The following HMCN1 variants were observed in gnomAD, a reference collection of about 807,000 sequenced individuals.
The protein encoded by HMCN1 is hemicentin-1.
Under a neutral mutation model 625.9 loss-of-function variants are expected in HMCN1, and 321 were observed. The ratio of observed to expected loss-of-function variants is 0.51; its 90% CI spans 0.47 to 0.56. The LOEUF is 0.56. Ranked by LOEUF, HMCN1 falls within the 20% of genes least tolerant of loss-of-function variation. HMCN1 has a pLI of 0.00. For synonymous variants in HMCN1, 2,425 were observed against 2,417.6 expected, an observed-to-expected ratio of 1.00 and a Z score of -0.09; for missense variants, 6,588 against 6,887.3, an observed-to-expected ratio of 0.96 and a Z score of 1.54.
rs115233556 is a variant in HMCN1, at chr1:185,756,320, G to C, written c.268+21273G>C. ...TCCTGTTCATACCTTTTCTGCCATT[G>C]TGTCTTTAAGTTCACCTTTCTCATT... On this transcript the variant is annotated intron_variant, in intron 1 of 106. Transcript: ENST00000271588. Among the ~76,000 whole-genome samples the C allele has an allele frequency of 9.9e-3, 1,504 of 152,022 alleles. 12 individuals carry two copies. Among genetic ancestry groups the C allele is most frequent in the Non-Finnish European group, 0.017 (1,155 of 67,958 alleles).
chr1:186,074,742 C>T lies in HMCN1; in HGVS notation c.8141C>T (p.Pro2714Leu), dbSNP rs1312087633. 6.2e-7 allele frequency: 1 copy of T among 1,612,248 alleles called. No homozygotes were observed. The highest frequency in any genetic ancestry group is 2.2e-5 in the East Asian group (1 of 44,702). The change falls in exon 53 of 107, where the codon CCC becomes CTC. Residue 2714 changes from proline to leucine, a missense_variant and splice_region_variant. Physicochemically the swap from Pro to Leu is moderately conservative, Grantham distance 98. Around this residue, in one of 3 missense-constraint regions of HMCN1, gnomAD observed 4,628 missense variants for 4,853.1 expected, o/e 0.95. Coordinates refer to ENST00000271588, the MANE Select transcript of HMCN1 (RefSeq NM_031935.3). ...AACATTGTTATAATTGAATCACAGC[C>T]CCTTAAATCCGATGATCATGTTAAT... is the stretch of plus-strand genomic sequence containing the variant. ...ASLSWYKDGQPLKSDDHVNIA... is the reference protein window; with the variant it reads ...ASLSWYKDGQLLKSDDHVNIA...
chr1:185,776,150 A>G (rs1372200178), intron 1 of HMCN1, among the ~76,000 whole-genome samples: 2 of 151,904 alleles, frequency 1.3e-5, no homozygotes, highest in Non-Finnish European at 2.9e-5. Flanking sequence ...TTTCCTATTT[A>G]TTTTTATTAG....
Position 186,145,393 on chromosome 1 carries a change from T to C in HMCN1, c.14267-10T>C. 6.5e-7 allele frequency: 1 copy of C among 1,545,952 alleles called. No individual in the cohort carries two copies. The highest frequency in any genetic ancestry group is 8.7e-7 in the Non-Finnish European group (1 of 1,148,754). On this transcript the variant is annotated splice_polypyrimidine_tract_variant and intron_variant, in intron 91 of 106. Transcript: ENST00000271588. ...GCTCTGTTTTCATCTCAGATTATTCTGTCTTGTAGCCCATGGTAACTGGAG... is the reference window on the plus strand; with the variant it reads ...GCTCTGTTTTCATCTCAGATTATTCCGTCTTGTAGCCCATGGTAACTGGAG...
intron 1 of HMCN1, among the ~76,000 whole-genome samples, chr1:185,787,649 CTTGAG>C (rs1418363231): frequency 6.8e-6 from 1 of 147,520 alleles, no homozygotes; most frequent in Admixed American, 6.6e-5. Flanking sequence ...TGACTGAAAT[CTTGAG>C]TTAAGTTAAC....
At chr1:185,913,592 C>G (rs1666543004) in intron 6 of HMCN1, among the ~76,000 whole-genome samples, 1 of 152,106 alleles carries the variant, frequency 6.6e-6, no homozygotes, top group Non-Finnish European at 1.5e-5. Flanking sequence ...CCATTATTGA[C>G]TGTGAAATAC....
chr1:186,115,392 G>A lies in HMCN1; in HGVS notation c.11539G>A (p.Asp3847Asn). ...AAAAAATGGGCATCTTCTTAATGTGGATCAAAATCAGAACTCATACAGGTA... is the reference window on the plus strand; with the variant it reads ...AAAAAATGGGCATCTTCTTAATGTGAATCAAAATCAGAACTCATACAGGTA... Reference protein sequence around the residue: ...WRKNGHLLNVDQNQNSYRLLS... With the variant: ...WRKNGHLLNVNQNQNSYRLLS... Residue 3847 changes from aspartate to asparagine, a missense_variant, in exon 75 of 107, where the codon GAT (aspartate) becomes AAT (asparagine). Physicochemically the swap from Asp to Asn is conservative, Grantham distance 23. Transcript: ENST00000271588. 6.2e-7 allele frequency: 1 copy of A among 1,613,578 alleles called. No individual in the cohort carries two copies. Among genetic ancestry groups the A allele is most frequent in the Non-Finnish European group, 8.5e-7 (1 of 1,179,884 alleles).
intron 50 of HMCN1, among the ~76,000 whole-genome samples, chr1:186,068,606 G>A (rs979011403): frequency 6.6e-5 from 10 of 152,026 alleles, no homozygotes; most frequent in African/African-American, 9.7e-5. Flanking sequence ...GGTGGCTCAC[G>A]CCTGTAATCC....
At chr1:185,861,853 T>C (rs1437874674) in intron 2 of HMCN1, among the ~76,000 whole-genome samples, 1 of 152,160 alleles carries the variant, frequency 6.6e-6, no homozygotes, top group East Asian at 1.9e-4. Flanking sequence ...AATAGTTTAA[T>C]CTGAAAAATA....
chr1:185,979,928 C>G (rs144778608), intron 16 of HMCN1, among the ~76,000 whole-genome samples: 1 of 152,130 alleles, frequency 6.6e-6, no homozygotes, highest in East Asian at 1.9e-4. Flanking sequence ...GCTCACAAGA[C>G]AAAACCATAC....
intron 1 of HMCN1, among the ~76,000 whole-genome samples, chr1:185,775,963 A>G (rs1571333319): frequency 1.3e-5 from 2 of 152,206 alleles, no homozygotes; most frequent in East Asian, 3.8e-4. Context: ...CAGGCTGTAT[A>G]GAAAAGTGCT....
chr1:186,121,568 C>T (rs1235550038), intron 80 of HMCN1, among the ~76,000 whole-genome samples: 1 of 152,074 alleles, frequency 6.6e-6, no homozygotes, highest in Non-Finnish European at 1.5e-5. Context: ...ATGATAGTGC[C>T]ATGTTGGAAC....
chr1:186,163,102 T>G (rs1005270634), intron 97 of HMCN1, among the ~76,000 whole-genome samples: 1 of 152,214 alleles, frequency 6.6e-6, no homozygotes, highest in Non-Finnish European at 1.5e-5. Flanking sequence ...TAAGCAAGCC[T>G]GGGAAATGGC....
chr1:186,057,422 C>T lies in HMCN1; in HGVS notation c.7312+21C>T, dbSNP rs757755841. The T allele has an allele frequency of 5.9e-6, 9 of 1,533,706 alleles. No homozygotes were observed. In the East Asian group the frequency reaches 1.4e-4, roughly 23 times the overall value. On this transcript the variant is annotated intron_variant, in intron 46 of 106. Transcript: ENST00000271588. Reference sequence around the variant, plus strand: ...TTCAGGTATTAGAAATTCTGGTAGCCTTATAATCTTGTTAGCTTCATACGG... The same window carrying T: ...TTCAGGTATTAGAAATTCTGGTAGCTTTATAATCTTGTTAGCTTCATACGG...
At chr1:185,840,122 A>G (rs779777988) in intron 1 of HMCN1, among the ~76,000 whole-genome samples, 2 of 152,208 alleles carry the variant, frequency 1.3e-5, no homozygotes, top group Non-Finnish European at 2.9e-5. Context: ...TGTTGATTAG[A>G]TGCAGATCAT....
intron 1 of HMCN1, among the ~76,000 whole-genome samples, chr1:185,814,689 A>G (rs1390794598): frequency 7.1e-6 from 1 of 140,368 alleles, no homozygotes; most frequent in African/African-American, 3.1e-5. Context: ...TTTAATTATT[A>G]TTATTTATTT....
chr1:186,105,474 A>G (rs1043171621), intron 69 of HMCN1, among the ~76,000 whole-genome samples: 10 of 152,202 alleles, frequency 6.6e-5, no homozygotes, highest in Admixed American at 6.5e-4. Context: ...ATTGTGTGGT[A>G]TAGACAAGAG....
intron 9 of HMCN1, among the ~76,000 whole-genome samples, chr1:185,927,065 C>T (rs1004293884): frequency 1.3e-5 from 2 of 152,162 alleles, no homozygotes; most frequent in African/African-American, 4.8e-5. Context: ...GGACAAATTA[C>T]TTGTCCTTTC....
At chr1:186,022,280 A>G (rs753399928) in intron 35 of HMCN1, among the ~76,000 whole-genome samples, 2 of 152,060 alleles carry the variant, frequency 1.3e-5, no homozygotes, top group African/African-American at 2.4e-5. Context: ...TGGAACAGGA[A>G]GAGGAAGCAG....
In HMCN1 at chr1:186,178,578, G is replaced by A. The variant is rs1219411377; in HGVS notation, c.16106G>A (p.Ser5369Asn). 6.2e-7 allele frequency: 1 copy of A among 1,614,110 alleles called. No homozygotes were observed. The highest frequency in any genetic ancestry group is 1.1e-5 in the South Asian group (1 of 91,078). Reference protein sequence around the residue: ...RLPNYGTQYSSYNLARFSPVR... With the variant: ...RLPNYGTQYSNYNLARFSPVR... ...CCAAATTATGGCACTCAATACAGTA[G>A]CTATAACCTTGCACGGTTCTCCCCT... Residue 5369 changes from serine to asparagine, a missense_variant, in exon 104 of 107, where the codon AGC becomes AAC. Transcript: ENST00000271588.
Sources: gnomAD v4.1 joint callset for allele counts (sites outside exome capture counted in the v4.1 genomes callset) on GRCh38, gnomAD v4.1.1 for gene constraint, gnomAD v4.1.1 regional missense constraint, MANE v1.5 for transcripts, NCBI Gene and HGNC (gene_info 2026-07-23, HGNC 2026-07-21) for gene names.